Variants in FGF12 observed in about 807,000 individuals in gnomAD.
FGF12 encodes fibroblast growth factor 12B.
Under a neutral mutation model 23.6 loss-of-function variants are expected in FGF12, and 14 were observed. The observed-to-expected ratio is 0.59, with a 90% CI of 0.39 to 0.93. The LOEUF is 0.93. Among genes scored for constraint, FGF12 ranks in the 40% least tolerant of loss-of-function variants. The pLI is 0.00. For missense variants in FGF12, 175 were observed against 217.8 expected, an observed-to-expected ratio of 0.80 and a Z score of 1.24; for synonymous variants, 62 against 77.3, an observed-to-expected ratio of 0.80 and a Z score of 1.04.
At chr3:192,335,734 T>C (rs1717372723) in intron 3 of FGF12, among the ~76,000 whole-genome samples, 1 of 152,068 alleles carries the variant, frequency 6.6e-6, no homozygotes, top group Non-Finnish European at 1.5e-5. Flanking sequence ...GATCTGAGAT[T>C]TCAGGATCCC....
chr3:192,541,080 G>T (rs1725352148), intron 2 of FGF12, among the ~76,000 whole-genome samples: 1 of 151,926 alleles, frequency 6.6e-6, no homozygotes, highest in South Asian at 2.1e-4. Flanking sequence ...AATCCATTTA[G>T]CTACTCTATG....
At chr3:192,679,924 C>T (rs926089537) in intron 2 of FGF12, among the ~76,000 whole-genome samples, 2 of 152,126 alleles carry the variant, frequency 1.3e-5, no homozygotes, top group African/African-American at 4.8e-5. Context: ...AGCATAAAAT[C>T]CTCTCTTCTA....
intron 2 of FGF12, among the ~76,000 whole-genome samples, chr3:192,720,536 C>A (rs1187013151): frequency 6.6e-6 from 1 of 152,200 alleles, no homozygotes; most frequent in Non-Finnish European, 1.5e-5. Context: ...GCTCTGCATG[C>A]AAGGATGCTA....
chr3:192,361,693 C>A (rs1230309209), intron 2 of FGF12, among the ~76,000 whole-genome samples: 4 of 152,096 alleles, frequency 2.6e-5, no homozygotes, highest in Non-Finnish European at 5.9e-5. Flanking sequence ...ATATTTAGGT[C>A]TAAAAGAATT....
intron 2 of FGF12, among the ~76,000 whole-genome samples, chr3:192,716,999 G>A (rs1718886467): frequency 6.6e-6 from 1 of 152,172 alleles, no homozygotes; most frequent in Admixed American, 6.5e-5. Flanking sequence ...AGGCACATAA[G>A]AGCAGTGGGT....
chr3:192,349,220 T>C (rs576727278), intron 3 of FGF12, among the ~76,000 whole-genome samples: 7 of 152,178 alleles, frequency 4.6e-5, no homozygotes, highest in African/African-American at 1.7e-4. Flanking sequence ...AACCTTGCAA[T>C]CAGTAACTTA....
At chr3:192,365,995 A>C (rs1042787353) in intron 2 of FGF12, among the ~76,000 whole-genome samples, 5 of 146,346 alleles carry the variant, frequency 3.4e-5, no homozygotes, top group Non-Finnish European at 7.5e-5. Context: ...AAAAAAAAAA[A>C]CAACAACAAA....
At chr3:192,288,911 C>A (rs2108647343) in intron 4 of FGF12, among the ~76,000 whole-genome samples, 1 of 152,150 alleles carries the variant, frequency 6.6e-6, no homozygotes, top group East Asian at 1.9e-4. Flanking sequence ...GTGCACCATG[C>A]CTTTTATGCT....
chr3:192,647,213 G>C (rs556264585), intron 2 of FGF12, among the ~76,000 whole-genome samples: 18 of 152,078 alleles, frequency 1.2e-4, no homozygotes, highest in Admixed American at 6.6e-5. Context: ...AGTACAGTTA[G>C]GAAGTCTCCT....
chr3:192,592,278 T>C (rs1272019783), intron 2 of FGF12, among the ~76,000 whole-genome samples: 1 of 151,926 alleles, frequency 6.6e-6, no homozygotes, highest in Non-Finnish European at 1.5e-5. Context: ...GAAGAGATTA[T>C]GTCTTCGTTA....
chr3:192,159,179 T>C (rs1260062799), intron 5 of FGF12, among the ~76,000 whole-genome samples: 1 of 152,222 alleles, frequency 6.6e-6, no homozygotes, highest in Non-Finnish European at 1.5e-5. Context: ...CCTCCAGTTA[T>C]CATTTAATTC....
chr3:192,647,190 G>C (rs1460060742), intron 2 of FGF12, among the ~76,000 whole-genome samples: 1 of 152,084 alleles, frequency 6.6e-6, no homozygotes, highest in African/African-American at 2.4e-5. Flanking sequence ...GTTGCCACTT[G>C]CTACCTTATA....
intron 2 of FGF12, among the ~76,000 whole-genome samples, chr3:192,584,490 G>C (rs1046563470): frequency 2.6e-5 from 4 of 152,016 alleles, no homozygotes; most frequent in African/African-American, 7.2e-5. Flanking sequence ...GACTGCGATG[G>C]GTTCAGAGTT....
intron 2 of FGF12, among the ~76,000 whole-genome samples, chr3:192,613,470 T>A (rs1355307264): frequency 6.6e-6 from 1 of 151,922 alleles, no homozygotes; most frequent in Non-Finnish European, 1.5e-5. Context: ...AGGACTTACT[T>A]CATTTACCTT....
At chr3:192,154,479 C>CAGAT (rs1560169132) in intron 5 of FGF12, among the ~76,000 whole-genome samples, 1 of 139,472 alleles carries the variant, frequency 7.2e-6, no homozygotes, top group African/African-American at 2.7e-5. Flanking sequence ...TGGTGATATA[C>CAGAT]AGATGGGTTT....
At chr3:192,622,812 G>A (rs1292459914) in intron 2 of FGF12, among the ~76,000 whole-genome samples, 2 of 151,974 alleles carry the variant, frequency 1.3e-5, no homozygotes, top group Admixed American at 6.6e-5. Context: ...ACACACACAC[G>A]TGGCTAAAGA....
intron 4 of FGF12, among the ~76,000 whole-genome samples, chr3:192,174,309 C>T (rs1715739457): frequency 6.6e-6 from 1 of 152,182 alleles, no homozygotes; most frequent in Non-Finnish European, 1.5e-5. Context: ...CCAGGAACCG[C>T]ATTAGGTAGG....
At chr3:192,585,736 G>A (rs1324080919) in intron 2 of FGF12, among the ~76,000 whole-genome samples, 1 of 152,118 alleles carries the variant, frequency 6.6e-6, no homozygotes, top group African/African-American at 2.4e-5. Flanking sequence ...ACAATAGGTG[G>A]AAGACTGGGG....
At chr3:192,603,811 T>C (rs1315650474) in intron 2 of FGF12, among the ~76,000 whole-genome samples, 1 of 152,144 alleles carries the variant, frequency 6.6e-6, no homozygotes, top group Non-Finnish European at 1.5e-5. Flanking sequence ...TGCTCAGTGG[T>C]GCACGTATTG....
Sources: allele counts gnomAD v4.1 joint callset (sites outside exome capture counted in the v4.1 genomes callset), GRCh38; gene constraint gnomAD v4.1.1; transcripts MANE v1.5; gene names NCBI Gene and HGNC (gene_info 2026-07-23, HGNC 2026-07-21).